The following SRP19 variants were observed in gnomAD, a reference collection of about 807,000 sequenced individuals.
The protein encoded by SRP19 is signal recognition particle 19, also known as signal recognition particle 19 kDa protein.
In SRP19, 11 loss-of-function variants were observed where a neutral mutation model predicts 22.4. The observed-to-expected ratio is 0.49, with a 90% CI of 0.31 to 0.81. The LOEUF is 0.81. Among genes scored for constraint, SRP19 ranks in the 40% least tolerant of loss-of-function variants. SRP19 has a pLI of 0.05. For missense variants in SRP19, 168 were observed against 175.9 expected (o/e 0.96, Z 0.25); for synonymous variants, 61 against 57.6 (o/e 1.06, Z -0.27).
chr5:112,863,952 C>G (rs1025665376), intron 2 of SRP19, among the ~76,000 whole-genome samples: 1 of 152,120 alleles, frequency 6.6e-6, no homozygotes, highest in Middle Eastern at 3.2e-3. Flanking sequence ...CCTTTCTACT[C>G]TGGATGGAAA....
At chr5:112,897,213 T>A (rs1371740307), downstream of SRP19, 1 of 152,190 alleles carries the variant, frequency 6.6e-6, no homozygotes, top group African/African-American at 2.4e-5. Flanking sequence ...CATACATATA[T>A]ATATACACAT....
Position 112,892,584 on chromosome 5 carries a change from G to A in SRP19, c.*977G>A, listed in dbSNP as rs183322512. ...GCCCAGTGACCCGGTGGAAAATGGC[G>A]ATTTGTGGTTTATTTGAAATACAAC... On this transcript the variant is annotated 3_prime_UTR_variant, in exon 5 of 5. Coordinates refer to the SRP19 transcript ENST00000391338. 193 of 1,614,148 alleles carry A rather than the reference G, an allele frequency of 1.2e-4. 1 individual carries two copies. Among genetic ancestry groups the A allele is most frequent in the African/African-American group, 1.1e-3 (84 of 75,022 alleles).
chr5:112,886,802 C>T (rs1003128455), intron 4 of SRP19, among the ~76,000 whole-genome samples: 1 of 152,176 alleles, frequency 6.6e-6, no homozygotes, highest in Non-Finnish European at 1.5e-5. Flanking sequence ...TGACTGAAGG[C>T]TACATTAAAT....
intron 4 of SRP19, 72 bp from the exon 5 acceptor site, chr5:112,867,332 T>TG (rs766218439): frequency 6.5e-7 from 1 of 1,528,900 alleles, no homozygotes; most frequent in Admixed American, 2.0e-5. Context: ...TTACACTTTG[T>TG]GATATTCAAT....
In SRP19 at chr5:112,880,078, C is replaced by T. The variant is rs561435823; in HGVS notation, c.302-11525C>T. Among the ~76,000 whole-genome samples the T allele has an allele frequency of 2.9e-3, 439 of 152,128 alleles. 1 individual carries two copies. Among genetic ancestry groups the T allele is most frequent in the African/African-American group, 0.01 (423 of 41,506 alleles). On this transcript the variant is annotated intron_variant, in intron 4 of 4. Transcript: ENST00000391338. ...TCTCCTATGATGAGAAGAGTTTGCT[C>T]TAAGTCTTTGAGTTGGTGACAAGAC...
rs928393022 is a variant in SRP19, at chr5:112,869,706, T to A, written c.*2169T>A. On this transcript the variant is annotated 3_prime_UTR_variant, in exon 5 of 5. Coordinates refer to ENST00000505459, the MANE Select transcript of SRP19 (RefSeq NM_003135.3). ...GGGGGCAATTTCCCCTGTGCTGTTCTTGAGATAATGAGTGACTCTCAGGAG... is the reference window on the plus strand; with the variant it reads ...GGGGGCAATTTCCCCTGTGCTGTTCATGAGATAATGAGTGACTCTCAGGAG... 6.6e-6 allele frequency: 1 copy of A among 152,224 alleles called. No homozygotes were observed. Among genetic ancestry groups the A allele is most frequent in the African/African-American group, 2.4e-5 (1 of 41,446 alleles). The allele number at this position is 152,224 out of a possible 1,614,324, so 9.4% of individuals were successfully genotyped here. A position where few individuals can be genotyped will look rare whatever the true frequency, so the allele number is the denominator to read the frequency against.
chr5:112,876,881 T>C (rs1162896369), intron 4 of SRP19: 2 of 152,182 alleles, frequency 1.3e-5, no homozygotes, highest in Admixed American at 6.5e-5. Flanking sequence ...AATTTTAGCC[T>C]GTAAGTCATT....
At chr5:112,871,971 G>A (rs192420087), downstream of SRP19, among the ~76,000 whole-genome samples, 1 of 152,292 alleles carries the variant, frequency 6.6e-6, no homozygotes, top group East Asian at 1.9e-4. Context: ...ACTTCTTAAG[G>A]AATCTGTTAT....
chr5:112,872,905 C>G (rs1194557026), downstream of SRP19, among the ~76,000 whole-genome samples: 1 of 151,588 alleles, frequency 6.6e-6, no homozygotes, highest in Non-Finnish European at 1.5e-5. Flanking sequence ...TCATTCTACC[C>G]TTACATTGTT....
At chr5:112,893,199 C>T (rs558504999), downstream of SRP19, 203 of 450,378 alleles carry the variant, frequency 4.5e-4, 1 homozygote, top group African/African-American at 3.9e-3. Flanking sequence ...CACTTGAGGT[C>T]AGGAGTTTGA....
downstream of SRP19, among the ~76,000 whole-genome samples, chr5:112,871,383 A>AG (rs1386311951): frequency 6.6e-6 from 1 of 151,400 alleles, no homozygotes; most frequent in East Asian, 2.0e-4. Flanking sequence ...ATCACGGCTC[A>AG]GTGCAGCCTC....
chr5:112,861,360 T>C lies in SRP19; in HGVS notation c.-17T>C. 6.2e-7 allele frequency: 1 copy of C among 1,614,202 alleles called. No individual in the cohort carries two copies. The highest frequency in any genetic ancestry group is 8.5e-7 in the Non-Finnish European group (1 of 1,180,028). ...GTTTCTCCCTGCGGCTCCTGGGTTG[T>C]TGAGACTCTTGTGAAGATGGCTTGC... On this transcript the variant is annotated 5_prime_UTR_variant, in exon 1 of 5. Transcript: ENST00000505459.
downstream of SRP19, among the ~76,000 whole-genome samples, chr5:112,871,740 CAG>C (rs968785848): frequency 9.2e-5 from 14 of 152,064 alleles, no homozygotes; most frequent in Non-Finnish European, 1.3e-4. Context: ...GCCTGGGTGA[CAG>C]AGTGAAACTC....
downstream of SRP19, chr5:112,896,448 G>A (rs150324831): frequency 0.012 from 1,792 of 152,280 alleles, 9 homozygotes; most frequent in Middle Eastern, 0.037. Flanking sequence ...GCTTGAATGC[G>A]GGAAGTACAG....
At chr5:112,890,829 A>G (rs1768416291) in intron 4 of SRP19, among the ~76,000 whole-genome samples, 1 of 150,868 alleles carries the variant, frequency 6.6e-6, no homozygotes, top group Non-Finnish European at 1.5e-5. Context: ...CAAACCTTAT[A>G]CAAGTTACTT....
chr5:112,862,936 T>C (rs369149792), intron 2 of SRP19, among the ~76,000 whole-genome samples: 1 of 152,210 alleles, frequency 6.6e-6, no homozygotes, highest in Non-Finnish European at 1.5e-5. Context: ...GTTCAGAATG[T>C]AGTTGAGATT....
intron 4 of SRP19, among the ~76,000 whole-genome samples, chr5:112,875,413 G>C (rs893008978): frequency 2.6e-4 from 39 of 151,500 alleles, no homozygotes; most frequent in African/African-American, 9.2e-4. Flanking sequence ...CTGTCGCCCA[G>C]GCTGGAGTGC....
chr5:112,897,961 T>C (rs1353459158), downstream of SRP19: 2 of 152,168 alleles, frequency 1.3e-5, no homozygotes, highest in Admixed American at 6.6e-5. Context: ...TGGGAGGCTG[T>C]GGCAGGAGAA....
At chr5:112,867,356 A>T (rs1580716467) in intron 4 of SRP19, 48 bp from the exon 5 acceptor site, 1 of 1,576,456 alleles carries the variant, frequency 6.3e-7, no homozygotes. Context: ...ATGACTTTTT[A>T]TGTCTTATTT....
Sources: gnomAD v4.1 joint callset for allele counts (sites outside exome capture counted in the v4.1 genomes callset) on GRCh38, gnomAD v4.1.1 for gene constraint, MANE v1.5 for transcripts, NCBI Gene and HGNC (gene_info 2026-07-23, HGNC 2026-07-21) for gene names.